Variants in DENND4A observed in about 807,000 individuals in gnomAD.
The protein encoded by DENND4A is C-myc promoter-binding protein.
Under a neutral mutation model 199.3 loss-of-function variants are expected in DENND4A, and 70 were observed. The ratio of observed to expected loss-of-function variants is 0.35; its 90% CI spans 0.29 to 0.43. The LOEUF (loss-of-function observed/expected upper bound fraction) is 0.43. Ranked by LOEUF, DENND4A falls within the 20% of genes least tolerant of loss-of-function variation. The pLI is 1.00. For synonymous variants in DENND4A, 686 were observed against 766.9 expected (o/e 0.89, Z 1.74); for missense variants, 1,723 against 2,255.8 (o/e 0.76, Z 4.78).
At chr15:65,708,372 G>A (rs905587221) in intron 14 of DENND4A, among the ~76,000 whole-genome samples, 63 of 151,956 alleles carry the variant, frequency 4.1e-4, no homozygotes, top group African/African-American at 1.5e-3. Context: ...CCATATTGGT[G>A]CCTACTTTCC....
intron 1 of DENND4A, among the ~76,000 whole-genome samples, chr15:65,791,572 T>C (rs911437160): frequency 4.6e-5 from 7 of 151,232 alleles, no homozygotes; most frequent in Admixed American, 1.3e-4. Context: ...GGAGGAAAAG[T>C]GGGCCTGCAG....
intron 4 of DENND4A, among the ~76,000 whole-genome samples, chr15:65,749,843 G>A (rs1401916802): frequency 2.0e-5 from 3 of 152,094 alleles, no homozygotes; most frequent in Non-Finnish European, 2.9e-5. Flanking sequence ...AGCGTTTTCA[G>A]AACAATTATT....
intron 23 of DENND4A, among the ~76,000 whole-genome samples, chr15:65,678,407 T>G (rs370021396): frequency 2.0e-5 from 3 of 152,350 alleles, no homozygotes; most frequent in Admixed American, 1.3e-4. Context: ...TTTACAAGAC[T>G]GAATCCATCA....
At chr15:65,767,202 T>G (rs907149935) in intron 1 of DENND4A, 6 of 152,214 alleles carry the variant, frequency 3.9e-5, no homozygotes, top group Non-Finnish European at 4.4e-5. Context: ...CATGGGATTT[T>G]AGAGCTAGGA....
chr15:65,774,445 G>A (rs184713752), intron 1 of DENND4A, among the ~76,000 whole-genome samples: 160 of 152,248 alleles, frequency 1.1e-3, no homozygotes, highest in African/African-American at 3.7e-3. Context: ...AGCCCAGATT[G>A]AGCCACTGCA....
rs559255962 is a variant in DENND4A, at chr15:65,791,292, A to C, written c.-102+718T>G. On this transcript the variant is annotated intron_variant, in intron 1 of 32. Transcript: ENST00000443035. Reference sequence around the variant, plus strand: ...AAAAGCACATTGGAACAACAACAACAATCTTCCAGCACATCTGTCATTTAA... The same window carrying C: ...AAAAGCACATTGGAACAACAACAACCATCTTCCAGCACATCTGTCATTTAA... Among the ~76,000 whole-genome samples the C allele has an allele frequency of 2.0e-5, 3 of 152,296 alleles. No homozygotes were observed. In the East Asian group the frequency reaches 5.8e-4, roughly 29 times the overall value.
intron 23 of DENND4A, among the ~76,000 whole-genome samples, chr15:65,682,266 T>C (rs939144098): frequency 1.3e-5 from 2 of 152,198 alleles, no homozygotes; most frequent in Non-Finnish European, 2.9e-5. Flanking sequence ...ATCTGTTGTT[T>C]AGTATAGCCA....
At position 65,752,648 on chromosome 15, in the gene DENND4A, A is replaced by G. The variant is rs1242529021; in HGVS notation, c.312-20T>C. On this transcript the variant is annotated intron_variant, in intron 3 of 32. Transcript: ENST00000443035. ...AAAACCCTAAAAATAAATTTTTAAA[A>G]ATAAATACACAAAGCACTTTAAATA... 7.1e-7 allele frequency: 1 copy of G among 1,401,752 alleles called. No homozygotes were observed. The highest frequency in any genetic ancestry group is 9.7e-7 in the Non-Finnish European group (1 of 1,032,564). The allele number at this position is 1,401,752 out of a possible 1,614,324, so 86.8% of individuals were successfully genotyped here.
At chr15:65,700,261 G>C (rs1473941763) in intron 20 of DENND4A, among the ~76,000 whole-genome samples, 1 of 151,642 alleles carries the variant, frequency 6.6e-6, no homozygotes, top group Non-Finnish European at 1.5e-5. Context: ...AAAATGATAG[G>C]GTAAACAGAT....
chr15:65,711,079 G>C (rs1202585249), intron 14 of DENND4A, among the ~76,000 whole-genome samples: 1 of 152,158 alleles, frequency 6.6e-6, no homozygotes, highest in Non-Finnish European at 1.5e-5. Flanking sequence ...GGCAACACAA[G>C]AAGGGCCTAA....
chr15:65,762,014 T>C (rs1046948622), intron 1 of DENND4A, among the ~76,000 whole-genome samples: 1 of 152,180 alleles, frequency 6.6e-6, no homozygotes, highest in African/African-American at 2.4e-5. Context: ...TTGTTATTGT[T>C]GTTGTTTTTG....
chr15:65,745,435 A>G (rs1431831842), intron 4 of DENND4A, among the ~76,000 whole-genome samples: 1 of 152,176 alleles, frequency 6.6e-6, no homozygotes, highest in Non-Finnish European at 1.5e-5. Flanking sequence ...CTTGATGGAA[A>G]AATATTAAAG....
intron 4 of DENND4A, among the ~76,000 whole-genome samples, chr15:65,742,823 G>T (rs2076294794): frequency 6.6e-6 from 1 of 151,980 alleles, no homozygotes; most frequent in Non-Finnish European, 1.5e-5. Flanking sequence ...GCTCAATGAG[G>T]GTAGGGATTT....
intron 23 of DENND4A, among the ~76,000 whole-genome samples, chr15:65,685,735 T>C (rs911428983): frequency 2.6e-5 from 4 of 152,236 alleles, no homozygotes; most frequent in African/African-American, 9.6e-5. Context: ...AGTCTGACTG[T>C]ATTTGCATGC....
rs757674432 is a variant in DENND4A, at chr15:65,728,958, A to C, written c.1487+114T>G. The stretch of plus-strand genomic sequence containing the variant: ...AAAGACGGTGATTACCCCACATAAC[A>C]AGGAAAACAATATATCTTAAAAGAA... On this transcript the variant is annotated intron_variant, in intron 11 of 32. Coordinates refer to ENST00000443035, the MANE Select transcript of DENND4A (RefSeq NM_001320835.1). 6.5e-6 allele frequency: 7 copies of C among 1,074,144 alleles called. No homozygotes were observed. In the South Asian group the frequency reaches 9.5e-5, roughly 15 times the overall value. The allele number at this position is 1,074,144 out of a possible 1,614,324, so 66.5% of individuals were successfully genotyped here.
intron 12 of DENND4A, among the ~76,000 whole-genome samples, chr15:65,718,271 T>A (rs2075474738): frequency 6.6e-6 from 1 of 152,074 alleles, no homozygotes; most frequent in African/African-American, 2.4e-5. Flanking sequence ...ATGCGTGCAA[T>A]CCTAGACCAA....
At position 65,696,424 on chromosome 15, in the gene DENND4A, G is replaced by A. The variant is rs772417856; in HGVS notation, c.3024C>T (p.Ile1008=). 11 of 1,612,576 alleles carry A rather than the reference G, an allele frequency of 6.8e-6. No individual in the cohort carries two copies. The highest frequency in any genetic ancestry group is 7.6e-6 in the Non-Finnish European group (9 of 1,179,096). Residue 1008 remains isoleucine (I), a synonymous_variant, in exon 22 of 33, where the codon ATC becomes ATT. Transcript: ENST00000443035. The stretch of plus-strand genomic sequence containing the variant: ...TGTTACTTGTACCAGTGAGGCGAAC[G>A]ATACTGGAAGAATTTTGATAACTGA... ...PKLSYQNSSS[I]VRLTGTSNNS...
At chr15:65,688,922 T>C (rs965321682) in intron 23 of DENND4A, among the ~76,000 whole-genome samples, 3 of 152,242 alleles carry the variant, frequency 2.0e-5, no homozygotes, top group Non-Finnish European at 4.4e-5. Context: ...GGATGGGCTG[T>C]GGTGGCCTTA....
At chr15:65,767,889 G>T (rs111342179) in intron 1 of DENND4A, among the ~76,000 whole-genome samples, 2 of 152,132 alleles carry the variant, frequency 1.3e-5, no homozygotes, top group African/African-American at 4.8e-5. Context: ...GGATGAAGAC[G>T]AGAGATAAAG....
Sources: gnomAD v4.1 joint callset for allele counts (sites outside exome capture counted in the v4.1 genomes callset) on GRCh38, gnomAD v4.1.1 for gene constraint, MANE v1.5 for transcripts, NCBI Gene and HGNC (gene_info 2026-07-23, HGNC 2026-07-21) for gene names.